The following CTNNA3 variants were observed in gnomAD, a reference collection of about 807,000 sequenced individuals.
CTNNA3 encodes the protein catenin alpha 3.
A neutral mutation model predicts 95.7 loss-of-function variants in CTNNA3; 76 were observed. The ratio of observed to expected loss-of-function variants is 0.79; its 90% CI spans 0.66 to 0.96. CTNNA3 has a LOEUF of 0.96. Ranked by LOEUF, CTNNA3 falls within the 40% of genes least tolerant of loss-of-function variation. The pLI is 0.00. For missense variants in CTNNA3, 1,191 were observed against 1,089.8 expected (o/e 1.09, Z -1.31); for synonymous variants, 431 against 374.4 (o/e 1.15, Z -1.74).
intron 16 of CTNNA3, among the ~76,000 whole-genome samples, chr10:65,977,505 G>A (rs577063786): frequency 1.1e-4 from 17 of 152,214 alleles, no homozygotes; most frequent in Admixed American, 3.3e-4. Context: ...TTGCAGCCAG[G>A]TGCGGTGGCT....
At chr10:67,710,739 A>G (rs1841102730) in intron 1 of CTNNA3, among the ~76,000 whole-genome samples, 1 of 152,172 alleles carries the variant, frequency 6.6e-6, no homozygotes, top group African/African-American at 2.4e-5. Context: ...CTTTGTGGAA[A>G]GTCTGGTTAA....
intron 7 of CTNNA3, among the ~76,000 whole-genome samples, chr10:66,985,686 C>T (rs1850688879): frequency 6.6e-6 from 1 of 152,060 alleles, no homozygotes; most frequent in South Asian, 2.1e-4. Context: ...AATCCCATTG[C>T]CCCTAGTCAC....
At chr10:66,726,044 T>C (rs933061290) in intron 9 of CTNNA3, among the ~76,000 whole-genome samples, 1 of 152,122 alleles carries the variant, frequency 6.6e-6, no homozygotes, top group Admixed American at 6.6e-5. Context: ...TCTTTCTTTA[T>C]GGTCTTGAAC....
At chr10:67,492,380 G>A (rs1037754264) in intron 5 of CTNNA3, among the ~76,000 whole-genome samples, 6 of 152,148 alleles carry the variant, frequency 3.9e-5, no homozygotes, top group Admixed American at 3.9e-4. Flanking sequence ...ACTGAGAAGT[G>A]AAAAGTCAAG....
At chr10:67,050,403 T>C (rs1855011509) in intron 7 of CTNNA3, among the ~76,000 whole-genome samples, 1 of 152,006 alleles carries the variant, frequency 6.6e-6, no homozygotes, top group Non-Finnish European at 1.5e-5. Context: ...AATTTGAAAA[T>C]ATAAGTATTA....
chr10:67,756,902 A>G (rs2131754213), intron 1 of CTNNA3, among the ~76,000 whole-genome samples: 1 of 152,348 alleles, frequency 6.6e-6, no homozygotes, highest in African/African-American at 2.4e-5. Flanking sequence ...AAAAAAATAT[A>G]TATAAGTATA....
intron 9 of CTNNA3, among the ~76,000 whole-genome samples, chr10:66,750,165 T>A (rs1467168661): frequency 6.6e-6 from 1 of 152,222 alleles, no homozygotes; most frequent in Non-Finnish European, 1.5e-5. Flanking sequence ...TGTGTGGCTT[T>A]GTTTTCTTAT....
At chr10:66,671,726 A>G (rs1846668541) in intron 9 of CTNNA3, among the ~76,000 whole-genome samples, 1 of 152,166 alleles carries the variant, frequency 6.6e-6, no homozygotes, top group African/African-American at 2.4e-5. Context: ...AGGACTCTGA[A>G]GTCAGACTAC....
intron 9 of CTNNA3, among the ~76,000 whole-genome samples, chr10:66,692,513 A>G (rs1242203636): frequency 6.6e-6 from 1 of 152,182 alleles, no homozygotes; most frequent in Non-Finnish European, 1.5e-5. Context: ...GACGGGGAGA[A>G]TGGAACCAAG....
intron 9 of CTNNA3, among the ~76,000 whole-genome samples, chr10:66,653,703 T>C (rs1365962404): frequency 2.6e-5 from 4 of 152,012 alleles, no homozygotes; most frequent in Non-Finnish European, 5.9e-5. Context: ...TTTCAAAATA[T>C]ACTACAAAGC....
intron 11 of CTNNA3, among the ~76,000 whole-genome samples, chr10:66,508,062 T>C (rs985387827): frequency 6.6e-6 from 1 of 152,106 alleles, no homozygotes; most frequent in Non-Finnish European, 1.5e-5. Flanking sequence ...AAGAGTTTCT[T>C]GGGTTTGTTT....
intron 13 of CTNNA3, among the ~76,000 whole-genome samples, chr10:66,104,431 G>A (rs930057406): frequency 2.0e-5 from 3 of 152,140 alleles, no homozygotes; most frequent in African/African-American, 7.2e-5. Context: ...AGTGCACAAG[G>A]TCTCAACTTA....
At position 66,050,139 on chromosome 10, in the gene CTNNA3, T is replaced by G. The variant is rs1589294158; in HGVS notation, c.2159+19169A>C. On this transcript the variant is annotated intron_variant, in intron 15 of 17. Coordinates refer to ENST00000433211, the MANE Select transcript of CTNNA3 (RefSeq NM_013266.4). ...CCTACCCTGAGAAGCTCTTTGGCTC[T>G]CAAAGCTTTAATAATTATGCCTCTG... Among the ~76,000 whole-genome samples the G allele has an allele frequency of 2.7e-5, 4 of 149,810 alleles. No homozygotes were observed. The South Asian group carries it at 6.5e-4, about 24-fold the overall frequency.
intron 14 of CTNNA3, among the ~76,000 whole-genome samples, chr10:66,085,862 A>AAGAATTATTTTAGATGAAT (rs6143958): frequency 1.3e-5 from 2 of 151,862 alleles, no homozygotes; most frequent in East Asian, 3.9e-4. Flanking sequence ...GTAGTACCAT[A>AAGAATTATTTTAGATGAAT]ATTTATGTTA....
At chr10:67,004,427 T>C (rs1851858356) in intron 7 of CTNNA3, among the ~76,000 whole-genome samples, 1 of 152,222 alleles carries the variant, frequency 6.6e-6, no homozygotes, top group South Asian at 2.1e-4. Flanking sequence ...ATGACACATG[T>C]AAGGACAGCC....
At chr10:67,666,225 CT>C (rs1840328243) in intron 1 of CTNNA3, among the ~76,000 whole-genome samples, 1 of 152,112 alleles carries the variant, frequency 6.6e-6, no homozygotes, top group South Asian at 2.1e-4. Context: ...CTTATCTCAC[CT>C]TCATATATTT....
chr10:67,389,803 A>G (rs552980453), intron 5 of CTNNA3, among the ~76,000 whole-genome samples: 56 of 152,248 alleles, frequency 3.7e-4, no homozygotes, highest in African/African-American at 1.3e-3. Context: ...CTGCTCCTGA[A>G]TGACTACTGG....
At chr10:67,252,430 A>G (rs1866148756) in intron 5 of CTNNA3, among the ~76,000 whole-genome samples, 1 of 152,154 alleles carries the variant, frequency 6.6e-6, no homozygotes, top group Non-Finnish European at 1.5e-5. Context: ...ATACATACCT[A>G]TGATAAATTT....
At chr10:66,163,145 T>C (rs1237969963) in intron 13 of CTNNA3, among the ~76,000 whole-genome samples, 1 of 152,140 alleles carries the variant, frequency 6.6e-6, no homozygotes, top group Non-Finnish European at 1.5e-5. Context: ...CTTTCAGCTA[T>C]GAAAGAAAAG....
Sources: allele counts gnomAD v4.1 joint callset (sites outside exome capture counted in the v4.1 genomes callset), GRCh38; gene constraint gnomAD v4.1.1; transcripts MANE v1.5; gene names NCBI Gene and HGNC (gene_info 2026-07-23, HGNC 2026-07-21).